KIAA1755: variants seen among roughly 807,000 people sequenced by gnomAD.
KIAA1755 encodes the protein KIAA1755, also known as uncharacterized protein KIAA1755.
A neutral mutation model predicts 91.7 loss-of-function variants in KIAA1755; 68 were observed. The observed-to-expected ratio is 0.74, with a 90% CI of 0.61 to 0.91. KIAA1755 has a LOEUF of 0.91. KIAA1755 is among the 40% of genes least tolerant of loss of function. The probability of loss-of-function intolerance (pLI) is 0.00; values close to 1 mark genes in which losing one functional copy is unlikely to be tolerated. For missense variants in KIAA1755, 1,535 were observed against 1,494.4 expected, an observed-to-expected ratio of 1.03 and a Z score of -0.45; for synonymous variants, 610 against 604.6, an observed-to-expected ratio of 1.01 and a Z score of -0.13.
rs1452321822 is a variant in KIAA1755 at position 38,239,524 on chromosome 20, G to C, written c.1747+4C>G. The C allele has an allele frequency of 6.2e-7, 1 of 1,613,580 alleles. No individual in the cohort carries two copies. The highest frequency in any genetic ancestry group is 1.3e-5 in the African/African-American group (1 of 75,028). On this transcript the variant is annotated splice_donor_region_variant and intron_variant, in intron 4 of 13. Transcript: ENST00000279024. ...TACCACCTCCTGCTTGAATCCCCTG[G>C]AACCTGGCAGGCATGCTATCCTGGA...
intron 1 of KIAA1755, among the ~76,000 whole-genome samples, chr20:38,252,515 G>C (rs1039093085): frequency 6.6e-6 from 1 of 152,134 alleles, no homozygotes; most frequent in Non-Finnish European, 1.5e-5. Flanking sequence ...GAGAAAGACA[G>C]AGCCAGGATC....
chr20:38,237,823 G>T (rs1448263618), intron 4 of KIAA1755, among the ~76,000 whole-genome samples: 1 of 150,818 alleles, frequency 6.6e-6, no homozygotes, highest in African/African-American at 2.5e-5. Context: ...GGTTACGGGG[G>T]ATGCGATGGG....
rs898434172 is a variant in KIAA1755, at chr20:38,212,725, G to A, written c.*317C>T. 16 of 243,756 alleles carry A rather than the reference G, an allele frequency of 6.6e-5. No homozygotes were observed. The highest frequency in any genetic ancestry group is 2.7e-4 in the African/African-American group (12 of 45,134). The allele number at this position is 243,756 out of a possible 1,614,324, so 15.1% of individuals were successfully genotyped here. A position where few individuals can be genotyped will look rare whatever the true frequency, so the allele number is the denominator to read the frequency against. On this transcript the variant is annotated 3_prime_UTR_variant, in exon 14 of 14. Coordinates refer to ENST00000279024, the MANE Select transcript of KIAA1755 (RefSeq NM_001029864.2). The stretch of plus-strand genomic sequence containing the variant: ...GGTGGGTGTCTGCCTGCCTGCGAGC[G>A]AGACCTCTGGAGGGGTCTGTGCCGA...
At chr20:38,244,698 CTGTTTTT>C (rs11468598) in intron 2 of KIAA1755, among the ~76,000 whole-genome samples, 8,629 of 151,970 alleles carry the variant, frequency 0.057, 390 homozygotes, top group African/African-American at 0.12. Context: ...TCATCCTTTT[CTGTTTTT>C]TGTTTTTTGT....
chr20:38,227,569 G>A (rs1193379706), intron 6 of KIAA1755, among the ~76,000 whole-genome samples: 2 of 152,160 alleles, frequency 1.3e-5, no homozygotes, highest in African/African-American at 4.8e-5. Flanking sequence ...GCCCATAATT[G>A]CTGGATAGGA....
In KIAA1755 at chr20:38,240,829, G is replaced by A; in HGVS notation, c.1302C>T (p.Ala434=). Reference sequence around the variant, plus strand: ...TCTTCACCTCTATCTTTGTTTCAGAGGCTGCAGCTGCAGGAGAAGCTGGGG... The same window carrying A: ...TCTTCACCTCTATCTTTGTTTCAGAAGCTGCAGCTGCAGGAGAAGCTGGGG... ...RLSPASPAAA[A]SETKIEVKTK... Residue 434 remains alanine (A), a synonymous_variant, in exon 3 of 14, where the codon GCC becomes GCT. Transcript: ENST00000279024. 1.2e-6 allele frequency: 2 copies of A among 1,614,132 alleles called. No individual in the cohort carries two copies. Among genetic ancestry groups the A allele is most frequent in the Non-Finnish European group, 1.7e-6 (2 of 1,180,018 alleles).
At chr20:38,222,925 G>A (rs1296995827) in intron 9 of KIAA1755, 1 of 394,524 alleles carries the variant, frequency 2.5e-6, no homozygotes, top group Non-Finnish European at 4.7e-6. Flanking sequence ...GATAACCCCT[G>A]GTTTAAAACT....
rs762034055 is a variant in KIAA1755 at position 38,222,605 on chromosome 20, C to A, written c.2269-8G>T. The A allele has an allele frequency of 1.2e-6, 2 of 1,611,132 alleles. No homozygotes were observed. Among genetic ancestry groups the A allele is most frequent in the Admixed American group, 1.7e-5 (1 of 60,002 alleles). ...CAGGCACCTGGTAGCCTCCTGCCAG[C>A]GTAGGGAGGTGCCCTGAGGCCCCAT... On this transcript the variant is annotated splice_region_variant and splice_polypyrimidine_tract_variant and intron_variant, in intron 9 of 13. Transcript: ENST00000279024.
At chr20:38,250,462 A>ATATTATTATTATTAT (rs147689166) in intron 1 of KIAA1755, among the ~76,000 whole-genome samples, 47 of 147,832 alleles carry the variant, frequency 3.2e-4, no homozygotes, top group African/African-American at 1.1e-3. Context: ...TTCTGTGGTC[A>ATATTATTATTATTAT]TATTATTATT....
In KIAA1755 at chr20:38,217,339, C is replaced by A. The variant is rs1279411641; in HGVS notation, c.2815G>T (p.Ala939Ser). ...GCCATGTAAAAGTGGGTCAGCTCAGCCTGGAAGGCCCGCTGGGTAGAGGCA... is the reference window on the plus strand; with the variant it reads ...GCCATGTAAAAGTGGGTCAGCTCAGACTGGAAGGCCCGCTGGGTAGAGGCA... Reference protein sequence around the residue: ...AFASTQRAFQAELTHFYMAAE... With the variant: ...AFASTQRAFQSELTHFYMAAE... Residue 939 changes from alanine to serine, a missense_variant, in exon 13 of 14, where the codon GCT becomes TCT. Ala to Ser is a moderately conservative substitution (Grantham distance 99). Transcript: ENST00000279024. 1.2e-6 allele frequency: 2 copies of A among 1,612,498 alleles called. No homozygotes were observed. The highest frequency in any genetic ancestry group is 1.7e-6 in the Non-Finnish European group (2 of 1,179,484).
At chr20:38,245,032 T>A (rs141224813) in intron 2 of KIAA1755, among the ~76,000 whole-genome samples, 33 of 152,278 alleles carry the variant, frequency 2.2e-4, no homozygotes, top group African/African-American at 7.5e-4. Flanking sequence ...GGCCTTCTCA[T>A]CCTTTTCTTA....
intron 13 of KIAA1755, 67 bp downstream of exon 13, chr20:38,217,186 C>G: frequency 7.2e-7 from 1 of 1,388,034 alleles, no homozygotes; most frequent in South Asian, 1.3e-5. Flanking sequence ...TCTAGGTATC[C>G]CTGTCCCCAC....
At chr20:38,230,203 G>C (rs1217871322) in intron 5 of KIAA1755, among the ~76,000 whole-genome samples, 1 of 152,184 alleles carries the variant, frequency 6.6e-6, no homozygotes, top group Non-Finnish European at 1.5e-5. Flanking sequence ...AGGAGCATTA[G>C]AAATCAGCCT....
At chr20:38,238,672 C>T (rs1568758880) in intron 4 of KIAA1755, among the ~76,000 whole-genome samples, 2 of 152,186 alleles carry the variant, frequency 1.3e-5, no homozygotes. Context: ...GTTGGCTTTT[C>T]CCCACCACTA....
Position 38,259,456 on chromosome 20 carries a change from T to TGTGTGTGCATGTGTAC in KIAA1755, c.3+1041_3+1042insGTACACATGCACACAC, listed in dbSNP as rs1568788818. ...GGTGTGCTCTGTGCGTGCATGTGTA[T>TGTGTGTGCATGTGTAC]GTGTGTGTGCATGTGTACGTGTGTG... On this transcript the variant is annotated intron_variant, in intron 1 of 13. Coordinates refer to ENST00000279024, the MANE Select transcript of KIAA1755 (RefSeq NM_001029864.2). Among the ~76,000 whole-genome samples, 29 of 130,630 alleles carry TGTGTGTGCATGTGTAC rather than the reference T, an allele frequency of 2.2e-4. 1 individual carries two copies. Among genetic ancestry groups the TGTGTGTGCATGTGTAC allele is most frequent in the African/African-American group, 8.0e-4 (29 of 36,240 alleles). 85.7% of individuals were successfully genotyped at this position (130,630 alleles called of 152,430 possible).
chr20:38,212,982 C>T lies in KIAA1755; in HGVS notation c.*60G>A, dbSNP rs1456073566. ...GACTGACCAGAGCTCCCAGCTACCC[C>T]TCCAGCTGGGCCCTGGCCCAGTGCT... On this transcript the variant is annotated 3_prime_UTR_variant, in exon 14 of 14. Coordinates refer to ENST00000279024, the MANE Select transcript of KIAA1755 (RefSeq NM_001029864.2). The T allele has an allele frequency of 8.1e-6, 11 of 1,360,192 alleles. No homozygotes were observed. The highest frequency in any genetic ancestry group is 2.4e-5 in the East Asian group (1 of 42,228). 84.3% of individuals were successfully genotyped at this position (1,360,192 alleles called of 1,614,324 possible). A position where few individuals can be genotyped will look rare whatever the true frequency, so the allele number is the denominator to read the frequency against.
intron 10 of KIAA1755, among the ~76,000 whole-genome samples, chr20:38,220,963 G>T (rs572190562): frequency 7.6e-4 from 116 of 152,342 alleles, no homozygotes; most frequent in African/African-American, 2.7e-3. Context: ...TGATATTTGT[G>T]TGAAGGGAGG....
chr20:38,245,468 C>T (rs944437486), intron 2 of KIAA1755, among the ~76,000 whole-genome samples: 3 of 152,226 alleles, frequency 2.0e-5, no homozygotes, highest in Admixed American at 1.3e-4. Flanking sequence ...TCCACTTTGC[C>T]TTGGCAGAGG....
chr20:38,226,865 C>T (rs1390177852), intron 7 of KIAA1755, among the ~76,000 whole-genome samples: 1 of 152,186 alleles, frequency 6.6e-6, no homozygotes, highest in African/African-American at 2.4e-5. Flanking sequence ...CCAGATGAAG[C>T]TTTTCAAATA....
Sources: gnomAD v4.1 joint callset for allele counts (sites outside exome capture counted in the v4.1 genomes callset) on GRCh38, gnomAD v4.1.1 for gene constraint, MANE v1.5 for transcripts, NCBI Gene and HGNC (gene_info 2026-07-23, HGNC 2026-07-21) for gene names.